TIAM2: variants seen among roughly 807,000 people sequenced by gnomAD.
TIAM2 encodes rho guanine nucleotide exchange factor TIAM2.
In TIAM2, 80 loss-of-function variants were observed where a neutral mutation model predicts 152.9. That is an observed-to-expected ratio of 0.52 (90% CI 0.44 to 0.63). The LOEUF is 0.63. TIAM2 is among the 30% of genes least tolerant of loss of function. TIAM2 has a pLI of 0.00. For missense variants in TIAM2, 1,965 were observed against 2,120.1 expected, an observed-to-expected ratio of 0.93 and a Z score of 1.44; for synonymous variants, 804 against 838.0, an observed-to-expected ratio of 0.96 and a Z score of 0.70.
chr6:155,164,133 G>GTTTTTTTTTTGTTTTTT (rs1780350173), intron 7 of TIAM2, among the ~76,000 whole-genome samples: 1 of 118,006 alleles, frequency 8.5e-6, no homozygotes, highest in African/African-American at 2.9e-5. Flanking sequence ...TAATTTTTGT[G>GTTTTTTTTTTGTTTTTT]TTTTTTTTTT....
At chr6:155,097,134 G>A (rs936794496) in intron 2 of TIAM2, among the ~76,000 whole-genome samples, 6 of 152,044 alleles carry the variant, frequency 3.9e-5, no homozygotes, top group Non-Finnish European at 8.8e-5. Context: ...GTACCTGTTG[G>A]CCATTTGTAT....
intron 12 of TIAM2, among the ~76,000 whole-genome samples, chr6:155,181,399 A>T (rs1416753783): frequency 6.6e-6 from 1 of 152,208 alleles, no homozygotes; most frequent in African/African-American, 2.4e-5. Flanking sequence ...TGTTGTATTG[A>T]ACTGAATTTC....
At chr6:155,152,871 A>G (rs946164844) in intron 7 of TIAM2, among the ~76,000 whole-genome samples, 3 of 152,068 alleles carry the variant, frequency 2.0e-5, no homozygotes, top group African/African-American at 4.8e-5. Flanking sequence ...ACATTTTTTT[A>G]AAAATTTAAA....
At position 155,250,915 on chromosome 6, in the gene TIAM2, A is replaced by G; in HGVS notation, c.3954A>G (p.Val1318=). The G allele has an allele frequency of 6.2e-7, 1 of 1,614,122 alleles. No homozygotes were observed. The highest frequency in any genetic ancestry group is 8.5e-7 in the Non-Finnish European group (1 of 1,179,960). The change falls in exon 22 of 27, where the codon GTA becomes GTG. Residue 1318 remains valine, a splice_region_variant and synonymous_variant. Transcript: ENST00000682666. Reference sequence around the variant, plus strand: ...TACCTCCTGTTTTTACAATCTAGGTAACAGAACTTTCGATGGGAGAGCTTC... The same window carrying G: ...TACCTCCTGTTTTTACAATCTAGGTGACAGAACTTTCGATGGGAGAGCTTC... The part of the protein sequence containing the change: ...VAEQSGTEKE[V]TELSMGELLM...
chr6:155,045,840 CT>C (rs11354850), intron 1 of TIAM2, among the ~76,000 whole-genome samples: 1,800 of 60,390 alleles, frequency 0.03, 25 homozygotes, highest in African/African-American at 0.11. Context: ...ATAGTGCCCT[CT>C]TTTTTTTTTT....
At chr6:155,182,364 G>C (rs771121864) in intron 13 of TIAM2, 46 bp downstream of exon 13, 5 of 1,470,148 alleles carry the variant, frequency 3.4e-6, no homozygotes, top group Non-Finnish European at 4.8e-6. Context: ...ATTTGAAACT[G>C]TGGGATACAG....
At chr6:155,110,320 T>C (rs1778810291) in intron 2 of TIAM2, among the ~76,000 whole-genome samples, 1 of 147,738 alleles carries the variant, frequency 6.8e-6, no homozygotes, top group African/African-American at 2.5e-5. Flanking sequence ...TTTCTTTTCT[T>C]TTTTTTTTTG....
intron 1 of TIAM2, among the ~76,000 whole-genome samples, chr6:155,086,708 GAA>G (rs10667680): frequency 7.5e-6 from 1 of 133,506 alleles, no homozygotes. Context: ...CTCCATCTTG[GAA>G]AAAAAAAAAA....
chr6:155,038,458 G>C (rs1033746844), intron 1 of TIAM2, among the ~76,000 whole-genome samples: 1 of 152,202 alleles, frequency 6.6e-6, no homozygotes, highest in African/African-American at 2.4e-5. Flanking sequence ...CTAGTTGGAG[G>C]TGGGATACAT....
rs559411830 is a variant in TIAM2, at chr6:154,995,910, G to C, written c.-209+418G>C. Among the ~76,000 whole-genome samples, 36 of 152,296 alleles carry C rather than the reference G, an allele frequency of 2.4e-4. No individual in the cohort carries two copies. The highest frequency in any genetic ancestry group is 8.2e-4 in the African/African-American group (34 of 41,582). On this transcript the variant is annotated intron_variant, in intron 1 of 26. Coordinates refer to ENST00000682666, the MANE Select transcript of TIAM2 (RefSeq NM_012454.4). The surrounding 1 kb of genome is among the most constrained non-coding windows in gnomAD (Gnocchi z 5.2). ...CGTGGGTGCCCGGAGGGGAGCGCCC[G>C]CTGCGCCCACGCCCGCCCGGCGACC... is the stretch of plus-strand genomic sequence containing the variant.
chr6:155,138,431 C>CT (rs111424436), intron 5 of TIAM2, among the ~76,000 whole-genome samples: 6,270 of 141,232 alleles, frequency 0.044, 388 homozygotes, highest in African/African-American at 0.14. Flanking sequence ...GTGCAGCCGT[C>CT]TTTTTTTTTT....
At chr6:155,247,521 T>A (rs1392552310) in intron 19 of TIAM2, among the ~76,000 whole-genome samples, 2 of 152,126 alleles carry the variant, frequency 1.3e-5, no homozygotes, top group South Asian at 4.1e-4. Flanking sequence ...TAGAGACGGG[T>A]TTCACCATGT....
chr6:155,059,312 G>GTGTGTGAGTGTGTGTGTGCGCGTGTA (rs1777519630), intron 1 of TIAM2, among the ~76,000 whole-genome samples: 1 of 113,608 alleles, frequency 8.8e-6, no homozygotes, highest in Non-Finnish European at 2.0e-5. Flanking sequence ...GTGTGTGTGT[G>GTGTGTGAGTGTGTGTGTGCGCGTGTA]TGTGTGTGTG....
At chr6:155,069,070 C>T (rs1777774067) in intron 1 of TIAM2, among the ~76,000 whole-genome samples, 5 of 151,996 alleles carry the variant, frequency 3.3e-5, no homozygotes, top group Admixed American at 3.3e-4. Flanking sequence ...AGGTATGCAC[C>T]ACCACACCTG....
intron 1 of TIAM2, among the ~76,000 whole-genome samples, chr6:155,067,175 A>C (rs1777712542): frequency 6.6e-6 from 1 of 152,202 alleles, no homozygotes; most frequent in Non-Finnish European, 1.5e-5. Flanking sequence ...CTGAAGACCC[A>C]GTCTGGCTGT....
At chr6:155,242,134 C>A (rs1281768523) in intron 16 of TIAM2, among the ~76,000 whole-genome samples, 5 of 152,182 alleles carry the variant, frequency 3.3e-5, no homozygotes, top group Admixed American at 6.5e-5. Flanking sequence ...CTTAGGGCCC[C>A]CCTGGGTTGC....
At chr6:155,241,566 G>A (rs73579313) in intron 16 of TIAM2, among the ~76,000 whole-genome samples, 4,546 of 152,212 alleles carry the variant, frequency 0.03, 234 homozygotes, top group African/African-American at 0.1. Context: ...TGGCACACAC[G>A]TGCGGCTATT....
intron 9 of TIAM2, among the ~76,000 whole-genome samples, chr6:155,170,060 A>C (rs1050150948): frequency 1.3e-5 from 2 of 151,800 alleles, no homozygotes; most frequent in Non-Finnish European, 2.9e-5. Context: ...GTCGCGATCC[A>C]CCCACCTCAG....
intron 1 of TIAM2, among the ~76,000 whole-genome samples, chr6:155,068,982 A>C (rs1777772240): frequency 2.0e-5 from 3 of 151,926 alleles, no homozygotes; most frequent in Non-Finnish European, 1.5e-5. Context: ...CAGTGATGTA[A>C]ATCACAGCTC....
Sources: gnomAD v4.1 joint callset for allele counts (sites outside exome capture counted in the v4.1 genomes callset) on GRCh38, gnomAD v4.1.1 for gene constraint, Gnocchi (gnomAD v3.1) non-coding constraint, MANE v1.5 for transcripts, NCBI Gene and HGNC (gene_info 2026-07-23, HGNC 2026-07-21) for gene names.